ZMYND10: variants seen among roughly 807,000 people sequenced by gnomAD.
The protein encoded by ZMYND10 is zinc finger MYND domain-containing protein 10.
In ZMYND10, 52 loss-of-function variants were observed where a neutral mutation model predicts 62.6. The ratio of observed to expected loss-of-function variants is 0.83; its 90% CI spans 0.67 to 1.05. The LOEUF is 1.05. ZMYND10 is among the 50% of genes least tolerant of loss of function. The pLI is 0.00. For synonymous variants in ZMYND10, 197 were observed against 218.5 expected (o/e 0.90, Z 0.87); for missense variants, 438 against 543.3 (o/e 0.81, Z 1.93).
At position 50,345,273 on chromosome 3, in the gene ZMYND10, A is replaced by G. The variant is rs1392869656; in HGVS notation, c.93-41T>C. The G allele has an allele frequency of 4.4e-6, 7 of 1,596,330 alleles. No individual in the cohort carries two copies. The highest frequency in any genetic ancestry group is 6.0e-6 in the Non-Finnish European group (7 of 1,169,090). On this transcript the variant is annotated intron_variant, in intron 1 of 11. Transcript: ENST00000231749. This position sits in a 1 kb window ranked among gnomAD's most constrained non-coding sequence, Gnocchi z 5.0. ...AGTGCATGTGCGTCCACGTGTGTGC[A>G]TTAGGAGTGGGGATGGGGGCTGGAT...
At position 50,343,361 on chromosome 3, in the gene ZMYND10, A is replaced by T. The variant is rs981479809; in HGVS notation, c.456T>A (p.Ser152Arg). Residue 152 changes from serine to arginine, a missense_variant, in exon 5 of 12, where the codon AGT becomes AGA. Transcript: ENST00000231749. ...CCCCCTCAGGGGGGCCACCACAGCC[A>T]CTCTGGGCCACCAGCAGGGTCAGTT... ...HRKLTLLVAQ[S>R]GCGGPPEGEG... is the part of the protein sequence containing the mutation. 1 of 1,613,404 alleles carries T rather than the reference A, an allele frequency of 6.2e-7. No homozygotes were observed. The highest frequency in any genetic ancestry group is 1.3e-5 in the African/African-American group (1 of 75,008).
rs1373890907 is a variant in ZMYND10, at chr3:50,345,439, C to G, written c.92+49G>C. ...TCCCCCGAGTCAGGCCCCAGCTCCC[C>G]GACTCAAGGACAATGACTCCGGGAC... On this transcript the variant is annotated intron_variant, in intron 1 of 11. Coordinates refer to ENST00000231749, the MANE Select transcript of ZMYND10 (RefSeq NM_015896.4). The surrounding 1 kb of genome is among the most constrained non-coding windows in gnomAD (Gnocchi z 5.0). 14 of 1,552,248 alleles carry G rather than the reference C, an allele frequency of 9.0e-6. No individual in the cohort carries two copies. Among genetic ancestry groups the G allele is most frequent in the Non-Finnish European group, 1.7e-6 (2 of 1,146,824 alleles).
At chr3:50,344,491 G>A (rs1161497087) in intron 2 of ZMYND10, among the ~76,000 whole-genome samples, 1 of 151,632 alleles carries the variant, frequency 6.6e-6, no homozygotes, top group Non-Finnish European at 1.5e-5. Context: ...GCAAATTTTT[G>A]TATTTTTAGT....
chr3:50,343,616 C>A lies in ZMYND10; in HGVS notation c.319G>T (p.Val107Leu). 1 of 1,614,096 alleles carries A rather than the reference C, an allele frequency of 6.2e-7. No individual in the cohort carries two copies. The highest frequency in any genetic ancestry group is 8.5e-7 in the Non-Finnish European group (1 of 1,180,022). The change falls in exon 4 of 12, where the codon GTG (valine) becomes TTG (leucine). Residue 107 changes from valine to leucine, a missense_variant and splice_region_variant. Val to Leu is a conservative substitution (Grantham distance 32, BLOSUM62 1). Transcript: ENST00000231749. ...TTGATGATGGAGGCCTCGTGGTGCACCTGTCAGATAAAGAGAAGGACAGGG... is the reference window on the plus strand; with the variant it reads ...TTGATGATGGAGGCCTCGTGGTGCAACTGTCAGATAAAGAGAAGGACAGGG... ...PQNTFPIYMV[V>L]HHEASIINLL...
In ZMYND10 at chr3:50,343,864, G is replaced by A. The variant is rs9825506; in HGVS notation, c.202-14C>T. 6.0e-4 allele frequency: 964 copies of A among 1,613,088 alleles called. 2 individuals carry two copies. The African/African-American group carries it at 0.011, about 18-fold the overall frequency. The stretch of plus-strand genomic sequence containing the variant: ...CAGTGTTGGGACCTTTGAAGGGTAG[G>A]GTAAAGGACAGGGATGAGATGGGCC... On this transcript the variant is annotated splice_polypyrimidine_tract_variant and intron_variant, in intron 2 of 11. Transcript: ENST00000231749.
chr3:50,342,137 G>C lies in ZMYND10; in HGVS notation c.877C>G (p.Arg293Gly), dbSNP rs371047847. The C allele has an allele frequency of 1.9e-6, 3 of 1,609,970 alleles. No homozygotes were observed. The highest frequency in any genetic ancestry group is 8.5e-7 in the Non-Finnish European group (1 of 1,178,306). ...AGCAGTGTGTCTGTGAGGAAGGCCCGAAGCTGCAAGGGTGTCCAGTGGAGG... is the reference window on the plus strand; with the variant it reads ...AGCAGTGTGTCTGTGAGGAAGGCCCCAAGCTGCAAGGGTGTCCAGTGGAGG... The part of the protein sequence containing the change: ...SFAKGRLLKL[R>G]AFLTDTLLDQ... The change falls in exon 9 of 12, where the codon CGG (arginine) becomes GGG (glycine). Residue 293 changes from arginine (R) to glycine (G), a missense_variant. Transcript: ENST00000231749.
chr3:50,342,383 G>C lies in ZMYND10; in HGVS notation c.873+14C>G. 1 of 1,563,210 alleles carries C rather than the reference G, an allele frequency of 6.4e-7. No individual in the cohort carries two copies. Among genetic ancestry groups the C allele is most frequent in the South Asian group, 1.2e-5 (1 of 85,950 alleles). ...GTACTGGGGCTGTGGGGGCTGGTGC[G>C]GAGGGAGTCTGACCTTGAGTAGCCG... On this transcript the variant is annotated intron_variant, in intron 8 of 11. Coordinates refer to ENST00000231749, the MANE Select transcript of ZMYND10 (RefSeq NM_015896.4).
At position 50,343,023 on chromosome 3, in the gene ZMYND10, G is replaced by A. The variant is rs1349770551; in HGVS notation, c.600-5C>T. ...CTCAAGGTGCTGAGAGAGAGGCTAG[G>A]GGCAGGGACGTTGTGAAGGAGGTGA... On this transcript the variant is annotated splice_polypyrimidine_tract_variant and splice_region_variant and intron_variant, in intron 6 of 11. Transcript: ENST00000231749. 6.2e-7 allele frequency: 1 copy of A among 1,613,994 alleles called. No individual in the cohort carries two copies. The highest frequency in any genetic ancestry group is 1.1e-5 in the South Asian group (1 of 91,088).
Position 50,342,414 on chromosome 3 carries a change from T to A in ZMYND10, c.856A>T (p.Lys286Ter). 1 of 1,589,064 alleles carries A rather than the reference T, an allele frequency of 6.3e-7. No homozygotes were observed. Among genetic ancestry groups the A allele is most frequent in the South Asian group, 1.1e-5 (1 of 88,210 alleles). Reference sequence around the variant, plus strand: ...AGTCTGACCTTGAGTAGCCGTCCCTTGGCAAAACTTGTGAGGCAGTAGCGC... The same window carrying A: ...AGTCTGACCTTGAGTAGCCGTCCCTAGGCAAAACTTGTGAGGCAGTAGCGC... ...QARYCLTSFA[K>*]GRLLKLRAFL... Residue 286 changes from lysine (K) to a stop codon, truncating the protein, a stop_gained, in exon 8 of 12, where the codon AAG becomes TAG. Transcript: ENST00000231749. LOFTEE classifies it high-confidence loss of function.
Position 50,342,475 on chromosome 3 carries a change from G to A in ZMYND10, c.795C>T (p.Ala265=). 4.3e-6 allele frequency: 7 copies of A among 1,613,488 alleles called. No individual in the cohort carries two copies. The highest frequency in any genetic ancestry group is 5.9e-6 in the Non-Finnish European group (7 of 1,179,792). Residue 265 remains alanine, a synonymous_variant, in exon 8 of 12, where the codon GCC becomes GCT. Transcript: ENST00000231749. ...CAGGGCTTAGCAGCAGGTTGTACAG[G>A]GCGATCCACACTTGCCCGTCCAACT... The part of the protein sequence containing the change: ...LSKLDGQVWI[A]LYNLLLSPEA...
chr3:50,343,677 C>T, intron 3 of ZMYND10, 57 bp downstream of exon 3: 1 of 1,613,750 alleles, frequency 6.2e-7, no homozygotes. Flanking sequence ...GCTCTCCTCC[C>T]CGGTCCAGAG....
intron 7 of ZMYND10, 123 bp from the exon 8 acceptor site, chr3:50,342,692 A>G (rs1559850636): frequency 6.7e-7 from 1 of 1,485,118 alleles, no homozygotes; most frequent in African/African-American, 1.4e-5. Context: ...GGACTTGCCC[A>G]GGCTATAGGG....
In ZMYND10 at chr3:50,343,289, T is replaced by C. The variant is rs1703445143; in HGVS notation, c.510+18A>G. ...ACCCAGACCTAGGCTTTCACAACCC[T>C]AGGTAACCTCAACCCACCTGCATGG... On this transcript the variant is annotated intron_variant, in intron 5 of 11. Transcript: ENST00000231749. 2 of 1,612,914 alleles carry C rather than the reference T, an allele frequency of 1.2e-6. No individual in the cohort carries two copies. Among genetic ancestry groups the C allele is most frequent in the Non-Finnish European group, 1.7e-6 (2 of 1,179,410 alleles).
In ZMYND10 at chr3:50,342,938, G is replaced by C. The variant is rs1283465083; in HGVS notation, c.680C>G (p.Pro227Arg). 6.2e-7 allele frequency: 1 copy of C among 1,614,044 alleles called. No homozygotes were observed. Among genetic ancestry groups the C allele is most frequent in the East Asian group, 2.2e-5 (1 of 44,890 alleles). Residue 227 changes from proline (P) to arginine (R), a missense_variant, in exon 7 of 12, where the codon CCC (proline) becomes CGC (arginine). By Grantham distance (103) the Pro-to-Arg change is moderately radical. Transcript: ENST00000231749. ...CLLVELLEHS[P>R]WSRREGGKLQ... is the part of the protein sequence containing the mutation. ...CCTACCTCCTTCCCGCCGGCTCCAG[G>C]GACTATGCTCCAGCAGTTCCACCAG...
intron 3 of ZMYND10, 56 bp downstream of exon 3, chr3:50,343,678 C>T (rs1003332677): frequency 1.7e-5 from 28 of 1,613,340 alleles, no homozygotes; most frequent in Middle Eastern, 1.6e-4. Context: ...CTCTCCTCCC[C>T]GGTCCAGAGC....
Position 50,345,343 on chromosome 3 carries a change from G to A in ZMYND10, c.93-111C>T. 1.3e-6 allele frequency: 2 copies of A among 1,500,568 alleles called. No individual in the cohort carries two copies. The highest frequency in any genetic ancestry group is 2.5e-5 in the South Asian group (2 of 80,844). The allele number at this position is 1,500,568 out of a possible 1,614,324, so 93.0% of individuals were successfully genotyped here. ...ATCCTGAGGGGACACAGGGGGCTCAGGAGCAGTAATACTCCTGTCTCGGAA... is the reference window on the plus strand; with the variant it reads ...ATCCTGAGGGGACACAGGGGGCTCAAGAGCAGTAATACTCCTGTCTCGGAA... On this transcript the variant is annotated intron_variant, in intron 1 of 11. Coordinates refer to ENST00000231749, the MANE Select transcript of ZMYND10 (RefSeq NM_015896.4). The surrounding 1 kb of genome is among the most constrained non-coding windows in gnomAD (Gnocchi z 5.0).
rs146847253 is a variant in ZMYND10 at position 50,343,823 on chromosome 3, C to A, written c.229G>T (p.Ala77Ser). ...ACCTTCTGCTTCCACATCTCCACTG[C>A]GATCAGCTCCTCCACCAGTGTTGGG... ...KVPTLVEELI[A>S]VEMWKQKVFP... The change falls in exon 3 of 12, where the codon GCA (alanine) becomes TCA (serine). Residue 77 changes from alanine to serine, a missense_variant. Coordinates refer to ENST00000231749, the MANE Select transcript of ZMYND10 (RefSeq NM_015896.4). The A allele has an allele frequency of 2.2e-5, 36 of 1,614,208 alleles. No individual in the cohort carries two copies. The highest frequency in any genetic ancestry group is 3.1e-5 in the Non-Finnish European group (36 of 1,180,040).
At position 50,341,140 on chromosome 3, in the gene ZMYND10, A is replaced by AG; in HGVS notation, c.*269dup. ...CTGGAGGCCAGCTTTACTGTGCTAG[A>AG]GGAAGAGGGTCCCCACATCCGGCCC... is the stretch of plus-strand genomic sequence containing the variant. On this transcript the variant is annotated 3_prime_UTR_variant, in exon 12 of 12. Coordinates refer to ENST00000231749, the MANE Select transcript of ZMYND10 (RefSeq NM_015896.4). 1.6e-6 allele frequency: 1 copy of AG among 607,656 alleles called. No individual in the cohort carries two copies. Among genetic ancestry groups the AG allele is most frequent in the South Asian group, 2.0e-5 (1 of 50,352 alleles). 37.6% of individuals were successfully genotyped at this position (607,656 alleles called of 1,614,324 possible). A position where few individuals can be genotyped will look rare whatever the true frequency, so the allele number is the denominator to read the frequency against.
chr3:50,342,191 G>T, intron 8 of ZMYND10, 51 bp from the exon 9 acceptor site: 1 of 1,592,552 alleles, frequency 6.3e-7, no homozygotes, highest in Non-Finnish European at 8.6e-7. Flanking sequence ...TGGCCAGGGG[G>T]CCAAGGAAAA....
Sources: allele counts gnomAD v4.1 joint callset (sites outside exome capture counted in the v4.1 genomes callset), GRCh38; gene constraint gnomAD v4.1.1; non-coding constraint Gnocchi (gnomAD v3.1); transcripts MANE v1.5; gene names NCBI Gene and HGNC (gene_info 2026-07-23, HGNC 2026-07-21).